The following ACADSB variants were observed in gnomAD, a reference collection of about 807,000 sequenced individuals.
The protein encoded by ACADSB is acyl-CoA dehydrogenase short/branched chain, also known as short/branched chain specific acyl-CoA dehydrogenase, mitochondrial.
ACADSB carries 40 observed loss-of-function variants against 54.1 expected under a neutral mutation model. The ratio of observed to expected loss-of-function variants is 0.74; its 90% CI spans 0.57 to 0.96. ACADSB has a LOEUF of 0.96. Ranked by LOEUF, ACADSB falls within the 40% of genes least tolerant of loss-of-function variation. The pLI is 0.00. For synonymous variants in ACADSB, 182 were observed against 182.8 expected, an observed-to-expected ratio of 1.00 and a Z score of 0.03; for missense variants, 530 against 510.4, an observed-to-expected ratio of 1.04 and a Z score of -0.37.
rs546514813 is a variant in ACADSB at position 123,045,029 on chromosome 10, A to T, written c.900+544A>T. On this transcript the variant is annotated intron_variant, in intron 7 of 10. Coordinates refer to ENST00000358776, the MANE Select transcript of ACADSB (RefSeq NM_001609.4). ...TTTTTTTTTACCAAATTTGGCTTTT[A>T]TAATGCATATTGCATTTTTCTATTA... 3.3e-5 allele frequency among the ~76,000 whole-genome samples: 5 copies of T among 150,278 alleles called. No individual in the cohort carries two copies. In the South Asian group the frequency reaches 8.4e-4, roughly 25 times the overall value.
intron 1 of ACADSB, among the ~76,000 whole-genome samples, chr10:123,012,668 C>T (rs9423246): frequency 0.089 from 13,477 of 151,696 alleles, 665 homozygotes; most frequent in Middle Eastern, 0.16. Flanking sequence ...TGGAGTTGTT[C>T]GCTCCTCCCG....
chr10:123,025,003 G>A (rs1279947157), intron 1 of ACADSB, among the ~76,000 whole-genome samples: 1 of 152,178 alleles, frequency 6.6e-6, no homozygotes, highest in African/African-American at 2.4e-5. Context: ...GGCTGAGGTG[G>A]GAGGATCACC....
Position 123,009,035 on chromosome 10 carries a change from G to C in ACADSB, c.6G>C (p.Glu2Asp), listed in dbSNP as rs1181626234. ...CGGAGAGGCCTGCGGCGAGGATGGA[G>C]GGCCTGGCAGTGCGGTTGCTGCGCG... M[E>D]GLAVRLLRGS... Residue 2 changes from glutamate to aspartate, a missense_variant, in exon 1 of 11, where the codon GAG becomes GAC. Transcript: ENST00000358776. 1.3e-6 allele frequency: 2 copies of C among 1,548,114 alleles called. No individual in the cohort carries two copies. The highest frequency in any genetic ancestry group is 1.7e-6 in the Non-Finnish European group (2 of 1,146,828).
chr10:123,024,650 A>C (rs1364716716), intron 1 of ACADSB, among the ~76,000 whole-genome samples: 1 of 152,264 alleles, frequency 6.6e-6, no homozygotes, highest in Non-Finnish European at 1.5e-5. Context: ...CAAAATGCAC[A>C]AACAAAGGAA....
chr10:123,051,022 T>C (rs374470713), intron 8 of ACADSB, 27 bp from the exon 9 acceptor site: 12 of 1,608,914 alleles, frequency 7.5e-6, no homozygotes, highest in African/African-American at 5.3e-5. Context: ...AAATCATAAT[T>C]CTCTAACTTG....
intron 1 of ACADSB, among the ~76,000 whole-genome samples, chr10:123,009,443 C>G (rs1465360993): frequency 6.6e-6 from 1 of 152,144 alleles, no homozygotes; most frequent in Admixed American, 6.5e-5. Flanking sequence ...GATGCCCTAA[C>G]GCACCTTTCC....
chr10:123,027,701 A>C (rs1168105012), intron 1 of ACADSB: 1 of 333,262 alleles, frequency 3.0e-6, no homozygotes, highest in East Asian at 8.6e-5. Context: ...GTTCCCATAC[A>C]ACGGGTGTGT....
Position 123,053,152 on chromosome 10 carries a change from CA to C in ACADSB, c.1223del (p.Lys408ArgfsTer14). 6.3e-7 allele frequency: 1 copy of C among 1,597,844 alleles called. No individual in the cohort carries two copies. Among genetic ancestry groups the C allele is most frequent in the South Asian group, 1.1e-5 (1 of 90,236 alleles). ...DYPVEKYFRD[A>X]KIGTIYEGAS... The stretch of plus-strand genomic sequence containing the variant: ...CCTGTGGAGAAATACTTCCGAGATG[CA>C]AAGATTGGTAAATAGATTTTTTTTT... On this transcript the variant is annotated frameshift_variant, in exon 10 of 11. Transcript: ENST00000358776. LOFTEE classifies it high-confidence loss of function.
In ACADSB at chr10:123,056,921, C is replaced by T. The variant is rs1234131749; in HGVS notation, c.*3156C>T. On this transcript the variant is annotated 3_prime_UTR_variant, in exon 11 of 11. Transcript: ENST00000358776. ...TTAAAATATTAGGAAGAAACAAGGA[C>T]AAATTTAGACCTTGAATCCGAAGAG... 5.9e-5 allele frequency: 9 copies of T among 152,558 alleles called. No homozygotes were observed. The highest frequency in any genetic ancestry group is 5.9e-4 in the Admixed American group (9 of 15,284). The allele number at this position is 152,558 out of a possible 1,614,324, so 9.5% of individuals were successfully genotyped here.
intron 4 of ACADSB, 98 bp downstream of exon 4, chr10:123,040,770 A>G: frequency 8.8e-7 from 1 of 1,139,674 alleles, no homozygotes; most frequent in Non-Finnish European, 1.3e-6. Context: ...TTTACTATCC[A>G]AGACCACAAT....
chr10:123,009,425 A>G (rs1849971031), intron 1 of ACADSB, among the ~76,000 whole-genome samples: 1 of 151,716 alleles, frequency 6.6e-6, no homozygotes, highest in African/African-American at 2.4e-5. Context: ...CACAGATGTC[A>G]CCTCCCTGAT....
At chr10:123,047,166 T>C (rs750444060) in intron 7 of ACADSB, 43 bp from the exon 8 acceptor site, 13 of 1,469,790 alleles carry the variant, frequency 8.8e-6, no homozygotes, top group East Asian at 2.3e-5. Flanking sequence ...ATTAAACTTA[T>C]AACAAAATAA....
chr10:123,018,368 A>G (rs1850135630), intron 1 of ACADSB, among the ~76,000 whole-genome samples: 1 of 152,108 alleles, frequency 6.6e-6, no homozygotes, highest in Non-Finnish European at 1.5e-5. Context: ...GTCTTGGCTT[A>G]TTTAACCCTC....
At position 123,051,092 on chromosome 10, in the gene ACADSB, C is replaced by T. The variant is rs1564754515; in HGVS notation, c.1034C>T (p.Ala345Val). 6.2e-7 allele frequency: 1 copy of T among 1,607,308 alleles called. No individual in the cohort carries two copies. The highest frequency in any genetic ancestry group is 8.5e-7 in the Non-Finnish European group (1 of 1,178,816). ...GCTCACGTGGCCACCCAGCTGGAAGCTGCAAGATTACTAACATACAATGCT... is the reference window on the plus strand; with the variant it reads ...GCTCACGTGGCCACCCAGCTGGAAGTTGCAAGATTACTAACATACAATGCT... Reference protein sequence around the residue: ...QVAHVATQLEAARLLTYNAAR... With the variant: ...QVAHVATQLEVARLLTYNAAR... The change falls in exon 9 of 11, where the codon GCT becomes GTT. Residue 345 changes from alanine to valine, a missense_variant. Coordinates refer to ENST00000358776, the MANE Select transcript of ACADSB (RefSeq NM_001609.4).
chr10:123,009,342 A>G (rs1357716106), intron 1 of ACADSB, among the ~76,000 whole-genome samples: 1 of 152,094 alleles, frequency 6.6e-6, no homozygotes, highest in East Asian at 1.9e-4. Flanking sequence ...TCGCGTCCGC[A>G]AGATGTCCTT....
chr10:123,031,172 AC>A (rs1291168635), intron 1 of ACADSB, among the ~76,000 whole-genome samples: 1 of 152,230 alleles, frequency 6.6e-6, no homozygotes, highest in African/African-American at 2.4e-5. Flanking sequence ...TACTGCTAAA[AC>A]TACTGTAACT....
intron 10 of ACADSB, 64 bp downstream of exon 10, chr10:123,053,224 G>C: frequency 7.4e-7 from 1 of 1,356,820 alleles, no homozygotes; most frequent in South Asian, 1.3e-5. Context: ...TATTTTGGCT[G>C]TTTTATTTGT....
At chr10:123,033,619 T>A (rs1422748692) in intron 1 of ACADSB, among the ~76,000 whole-genome samples, 1 of 152,188 alleles carries the variant, frequency 6.6e-6, no homozygotes, top group East Asian at 1.9e-4. Flanking sequence ...CTTTACTATA[T>A]GCTCAGCCCT....
At chr10:123,014,123 A>G (rs1233144517) in intron 1 of ACADSB, among the ~76,000 whole-genome samples, 1 of 151,982 alleles carries the variant, frequency 6.6e-6, no homozygotes, top group African/African-American at 2.4e-5. Context: ...TTCCTCATTA[A>G]AGGACAACTT....
Sources: gnomAD v4.1 joint callset for allele counts (sites outside exome capture counted in the v4.1 genomes callset) on GRCh38, gnomAD v4.1.1 for gene constraint, MANE v1.5 for transcripts, NCBI Gene and HGNC (gene_info 2026-07-23, HGNC 2026-07-21) for gene names.